The following AKAP19 variants were observed in gnomAD, a reference collection of about 807,000 sequenced individuals.
AKAP19 encodes small A-kinase anchoring protein.
At chr2:190,086,330 C>T in the AKAP19 span, among the ~76,000 whole-genome samples, 7 of 152,196 alleles carry the variant, frequency 4.6e-5, no homozygotes, top group African/African-American at 1.4e-4. Context: ...CCTCCTCTTC[C>T]ATCTGATAAC....
the AKAP19 span, among the ~76,000 whole-genome samples, chr2:189,902,741 C>A: frequency 6.6e-6 from 1 of 151,742 alleles, no homozygotes; most frequent in African/African-American, 2.4e-5. Flanking sequence ...AAACTGTATA[C>A]TTCGCTTTTC....
the AKAP19 span, among the ~76,000 whole-genome samples, chr2:190,040,914 G>C: frequency 6.6e-6 from 1 of 152,078 alleles, no homozygotes; most frequent in Non-Finnish European, 1.5e-5. Context: ...TGCTGTTTTG[G>C]TTACTGTAGC....
At chr2:190,062,614 A>G in the AKAP19 span, 1 of 1,607,514 alleles carries the variant, frequency 6.2e-7, no homozygotes, top group East Asian at 2.2e-5. Flanking sequence ...AAATCAATAT[A>G]ATCTTTTTTC....
chr2:190,189,626 A>G, the AKAP19 span: 1 of 152,196 alleles, frequency 6.6e-6, no homozygotes, highest in Admixed American at 6.5e-5. Context: ...GTGGGGATGA[A>G]GTATTACTAA....
chr2:190,042,944 A>G, the AKAP19 span, among the ~76,000 whole-genome samples: 2 of 152,090 alleles, frequency 1.3e-5, no homozygotes, highest in Admixed American at 1.3e-4. Flanking sequence ...TTTCTCCTTC[A>G]CTTAAGAAGT....
chr2:189,895,191 G>A, the AKAP19 span, among the ~76,000 whole-genome samples: 1,065 of 149,210 alleles, frequency 7.1e-3, 6 homozygotes, highest in Admixed American at 0.011. Context: ...AAAACAGTCT[G>A]ATTAGAGAAG....
chr2:190,148,953 C>CTTCTTTTTTTTTTTTT, the AKAP19 span, among the ~76,000 whole-genome samples: 1 of 134,088 alleles, frequency 7.5e-6, no homozygotes, highest in African/African-American at 2.8e-5. Context: ...TCTTTTCTTT[C>CTTCTTTTTTTTTTTTT]TTTTTTTTTT....
chr2:190,008,732 A>G, the AKAP19 span, among the ~76,000 whole-genome samples: 7 of 10,718 alleles, frequency 6.5e-4, no homozygotes, highest in Non-Finnish European at 9.8e-4. Flanking sequence ...GTGCACGTGC[A>G]CACACACACA....
At chr2:190,155,281 G>T in the AKAP19 span, among the ~76,000 whole-genome samples, 2 of 152,140 alleles carry the variant, frequency 1.3e-5, no homozygotes, top group African/African-American at 4.8e-5. Context: ...GGTAGGAGAA[G>T]AACTAACAAC....
chr2:190,057,663 A>C, the AKAP19 span: 1 of 1,611,662 alleles, frequency 6.2e-7, no homozygotes. Context: ...AAGAACAATC[A>C]GTAATATCAA....
chr2:190,100,999 A>G, the AKAP19 span, among the ~76,000 whole-genome samples: 2 of 152,148 alleles, frequency 1.3e-5, no homozygotes, highest in African/African-American at 4.8e-5. Flanking sequence ...CAAGCTCTGG[A>G]GCTAACTTGG....
chr2:189,991,270 A>G, the AKAP19 span, among the ~76,000 whole-genome samples: 1 of 152,238 alleles, frequency 6.6e-6, no homozygotes, highest in Admixed American at 6.5e-5. Context: ...AGGAAACTCC[A>G]TACTGTTTTT....
At chr2:190,050,368 C>T in the AKAP19 span, among the ~76,000 whole-genome samples, 1 of 152,140 alleles carries the variant, frequency 6.6e-6, no homozygotes, top group African/African-American at 2.4e-5. Flanking sequence ...CCTTCAGTTA[C>T]ATAGGGAGGT....
At chr2:190,029,514 A>G in the AKAP19 span, among the ~76,000 whole-genome samples, 1 of 152,118 alleles carries the variant, frequency 6.6e-6, no homozygotes, top group Non-Finnish European at 1.5e-5. Flanking sequence ...AAAAATGTTA[A>G]TGATACATTG....
the AKAP19 span, among the ~76,000 whole-genome samples, chr2:189,928,271 T>C: frequency 4.6e-5 from 7 of 152,284 alleles, no homozygotes; most frequent in South Asian, 1.0e-3. Flanking sequence ...AGGCCCATTG[T>C]ATCAATTTTT....
At chr2:189,913,753 T>C in the AKAP19 span, among the ~76,000 whole-genome samples, 1 of 152,240 alleles carries the variant, frequency 6.6e-6, no homozygotes, top group Middle Eastern at 3.4e-3. Context: ...TATAGAACAG[T>C]TGCTAAAGAA....
the AKAP19 span, chr2:190,062,124 C>T: frequency 7.7e-7 from 1 of 1,299,510 alleles, no homozygotes; most frequent in Non-Finnish European, 1.1e-6. Flanking sequence ...ACATACAGGC[C>T]AACAGCTTGT....
the AKAP19 span, among the ~76,000 whole-genome samples, chr2:190,009,179 T>C: frequency 6.6e-6 from 1 of 152,116 alleles, no homozygotes; most frequent in African/African-American, 2.4e-5. Context: ...GACCAGAACA[T>C]GTAAGGCCTT....
At chr2:189,894,816 T>C in the AKAP19 span, among the ~76,000 whole-genome samples, 1 of 151,600 alleles carries the variant, frequency 6.6e-6, no homozygotes, top group East Asian at 1.9e-4. Context: ...AAAATGCCTC[T>C]CATAATATCT....
Sources: gnomAD v4.1 joint callset for allele counts (sites outside exome capture counted in the v4.1 genomes callset) on GRCh38, gnomAD v4.1.1 for gene constraint, MANE v1.5 for transcripts, NCBI Gene and HGNC (gene_info 2026-07-23, HGNC 2026-07-21) for gene names.